TMC1: variants seen among roughly 807,000 people sequenced by gnomAD.
TMC1 encodes the protein transmembrane channel-like protein 1.
TMC1 carries 84 observed loss-of-function variants against 105.8 expected under a neutral mutation model. That is an observed-to-expected ratio of 0.79 (90% CI 0.67 to 0.95). The LOEUF is 0.95. Ranked by LOEUF, TMC1 falls within the 40% of genes least tolerant of loss-of-function variation. The probability of loss-of-function intolerance (pLI) is 0.00; values close to 1 mark genes in which losing one functional copy is unlikely to be tolerated. For synonymous variants in TMC1, 315 were observed against 311.5 expected (o/e 1.01, Z -0.12); for missense variants, 817 against 914.1 (o/e 0.89, Z 1.37).
At chr9:72,690,691 G>A (rs569033882) in intron 6 of TMC1, among the ~76,000 whole-genome samples, 131 of 152,206 alleles carry the variant, frequency 8.6e-4, no homozygotes, top group African/African-American at 2.9e-3. Flanking sequence ...AGAAATGATA[G>A]TCTTATGAAG....
chr9:72,698,328 T>A (rs1177874786), intron 7 of TMC1, among the ~76,000 whole-genome samples: 2 of 152,212 alleles, frequency 1.3e-5, no homozygotes, highest in African/African-American at 4.8e-5. Context: ...AATCATAGCA[T>A]GATTAAAAAC....
At chr9:72,834,966 A>T (rs1302721969) in intron 23 of TMC1, among the ~76,000 whole-genome samples, 2 of 152,094 alleles carry the variant, frequency 1.3e-5, no homozygotes, top group African/African-American at 4.8e-5. Flanking sequence ...CAGAGATTTT[A>T]TGTGTAAATT....
At chr9:72,689,866 C>T (rs1294589931) in intron 6 of TMC1, among the ~76,000 whole-genome samples, 1 of 152,042 alleles carries the variant, frequency 6.6e-6, no homozygotes, top group African/African-American at 2.4e-5. Flanking sequence ...AGTTAGCATA[C>T]AGTTGTTTCT....
intron 1 of TMC1, among the ~76,000 whole-genome samples, chr9:72,562,074 A>T (rs1253107938): frequency 6.6e-6 from 1 of 152,098 alleles, no homozygotes; most frequent in Non-Finnish European, 1.5e-5. Flanking sequence ...TTACAACATG[A>T]TCTTTACTAC....
chr9:72,607,027 A>AG (rs1554715151), intron 2 of TMC1, among the ~76,000 whole-genome samples: 58 of 151,516 alleles, frequency 3.8e-4, no homozygotes, highest in African/African-American at 1.1e-3. Context: ...AGAGAGAGAG[A>AG]AAGAGAACTT....
At chr9:72,812,348 A>G (rs1300020335) in intron 18 of TMC1, among the ~76,000 whole-genome samples, 5 of 152,212 alleles carry the variant, frequency 3.3e-5, no homozygotes, top group Admixed American at 6.5e-5. Context: ...TCAGCATCCC[A>G]TAAGGGGTTG....
chr9:72,577,364 A>G (rs1330566108), intron 1 of TMC1, among the ~76,000 whole-genome samples: 1 of 152,256 alleles, frequency 6.6e-6, no homozygotes, highest in Non-Finnish European at 1.5e-5. Flanking sequence ...GCCTCAGCAC[A>G]CAGGGACGGG....
intron 15 of TMC1, among the ~76,000 whole-genome samples, chr9:72,791,198 T>C (rs184517123): frequency 2.4e-4 from 37 of 151,864 alleles, no homozygotes; most frequent in African/African-American, 8.7e-4. Context: ...TCTTTCTCTC[T>C]CCCCCCTCTC....
chr9:72,812,719 T>G (rs1828725855), intron 18 of TMC1, among the ~76,000 whole-genome samples: 1 of 152,246 alleles, frequency 6.6e-6, no homozygotes, highest in African/African-American at 2.4e-5. Context: ...AGCTTGCAGC[T>G]CTAAGCAGAG....
chr9:72,815,222 T>C (rs2118280946), intron 18 of TMC1, among the ~76,000 whole-genome samples: 1 of 152,258 alleles, frequency 6.6e-6, no homozygotes, highest in Middle Eastern at 3.4e-3. Context: ...GCCTAATGCA[T>C]CACCAGGAAG....
At chr9:72,734,629 T>G (rs2589633) in intron 8 of TMC1, among the ~76,000 whole-genome samples, 73,387 of 151,768 alleles carry the variant, frequency 0.48, 20,516 homozygotes, top group African/African-American at 0.78. Flanking sequence ...TAATATTTCA[T>G]GAGAAGCCAG....
At chr9:72,824,679 T>G (rs1179105617) in intron 20 of TMC1, among the ~76,000 whole-genome samples, 1 of 152,034 alleles carries the variant, frequency 6.6e-6, no homozygotes, top group Non-Finnish European at 1.5e-5. Context: ...TTTGTGAGTA[T>G]GCAAAAAAGG....
intron 5 of TMC1, among the ~76,000 whole-genome samples, chr9:72,661,722 C>G (rs1825972388): frequency 6.6e-6 from 1 of 152,118 alleles, no homozygotes. Context: ...GATAATTTTG[C>G]TTAATTTTGA....
chr9:72,646,721 A>G (rs1825718317), intron 4 of TMC1, among the ~76,000 whole-genome samples: 1 of 151,826 alleles, frequency 6.6e-6, no homozygotes, highest in Non-Finnish European at 1.5e-5. Context: ...GCAACCTCCA[A>G]TGGGCCATTT....
Position 72,788,473 on chromosome 9 carries a change from T to C in TMC1, c.1019T>C (p.Met340Thr), listed in dbSNP as rs111033464. 89 of 1,613,998 alleles carry C rather than the reference T, an allele frequency of 5.5e-5. No homozygotes were observed. In the African/African-American group the frequency reaches 1.1e-3, roughly 19 times the overall value. ...TADNKFNSIT[M>T]NFKEAITEEK... ...GACAACAAATTTAATTCTATCACAA[T>C]GAACTTTAAGGTAGAGGCACCAACT... is the stretch of plus-strand genomic sequence containing the variant. Residue 340 changes from methionine (M) to threonine (T), a missense_variant, in exon 14 of 24, where the codon ATG (methionine) becomes ACG (threonine). Transcript: ENST00000297784.
intron 6 of TMC1, among the ~76,000 whole-genome samples, chr9:72,689,336 T>C (rs566335750): frequency 6.6e-6 from 1 of 152,178 alleles, no homozygotes; most frequent in African/African-American, 2.4e-5. Flanking sequence ...TGATGACCAG[T>C]TTTTACACAG....
intron 1 of TMC1, among the ~76,000 whole-genome samples, chr9:72,555,851 G>A (rs1357518922): frequency 6.6e-6 from 1 of 151,486 alleles, no homozygotes; most frequent in Non-Finnish European, 1.5e-5. Flanking sequence ...TCAAACTCCT[G>A]ACCTTGTGAT....
intron 23 of TMC1, among the ~76,000 whole-genome samples, chr9:72,832,284 G>T (rs972261475): frequency 7.9e-6 from 1 of 127,232 alleles, no homozygotes; most frequent in Non-Finnish European, 1.9e-5. Flanking sequence ...GTTTAGAACA[G>T]AGTCAGGTCT....
At chr9:72,619,778 A>C (rs1054639267) in intron 3 of TMC1, among the ~76,000 whole-genome samples, 1 of 151,816 alleles carries the variant, frequency 6.6e-6, no homozygotes, top group Non-Finnish European at 1.5e-5. Flanking sequence ...TTGATCCTCC[A>C]GGTAGGAAAC....
Sources: allele counts gnomAD v4.1 joint callset (sites outside exome capture counted in the v4.1 genomes callset), GRCh38; gene constraint gnomAD v4.1.1; transcripts MANE v1.5; gene names NCBI Gene and HGNC (gene_info 2026-07-23, HGNC 2026-07-21).